URM1: variants seen among roughly 807,000 people sequenced by gnomAD.
The protein encoded by URM1 is ubiquitin-related modifier 1.
In URM1, 11 loss-of-function variants were observed where a neutral mutation model predicts 17.7. The ratio of observed to expected loss-of-function variants is 0.62; its 90% CI spans 0.39 to 1.03. URM1 has a LOEUF of 1.03. URM1 is among the 50% of genes least tolerant of loss of function. The pLI, the probability that URM1 is intolerant of heterozygous loss-of-function variation, is 0.00. For synonymous variants in URM1, 48 were observed against 50.6 expected, an observed-to-expected ratio of 0.95 and a Z score of 0.22; for missense variants, 128 against 129.2, an observed-to-expected ratio of 0.99 and a Z score of 0.04.
At chr9:128,385,450 T>C (rs1192459466) in intron 2 of URM1, among the ~76,000 whole-genome samples, 1 of 152,044 alleles carries the variant, frequency 6.6e-6, no homozygotes, top group Non-Finnish European at 1.5e-5. Flanking sequence ...TCAATAAATA[T>C]TTTTCTCCTG....
At position 128,390,581 on chromosome 9, in the gene URM1, C is replaced by G. The variant is rs779676534; in HGVS notation, c.*847C>G. ...TTGATGGCGCGAATGTCCGTTTTCTCTCCCTTCCCACCTCCTGCAGGAAGC... is the reference window on the plus strand; with the variant it reads ...TTGATGGCGCGAATGTCCGTTTTCTGTCCCTTCCCACCTCCTGCAGGAAGC... On this transcript the variant is annotated 3_prime_UTR_variant, in exon 5 of 5. Transcript: ENST00000372853. The G allele has an allele frequency of 2.6e-5, 4 of 152,482 alleles. No homozygotes were observed. The highest frequency in any genetic ancestry group is 4.4e-5 in the Non-Finnish European group (3 of 68,088). The allele number at this position is 152,482 out of a possible 1,614,324, so 9.4% of individuals were successfully genotyped here.
chr9:128,386,580 G>A (rs1040004381), intron 2 of URM1, among the ~76,000 whole-genome samples: 1 of 152,248 alleles, frequency 6.6e-6, no homozygotes, highest in Non-Finnish European at 1.5e-5. Flanking sequence ...TCAGAGCGAG[G>A]GGGCACGCGT....
At chr9:128,386,428 T>G (rs901594626) in intron 2 of URM1, among the ~76,000 whole-genome samples, 1 of 152,244 alleles carries the variant, frequency 6.6e-6, no homozygotes, top group African/African-American at 2.4e-5. Flanking sequence ...GACTCTGATC[T>G]GCTTTGTTTA....
intron 3 of URM1, chr9:128,388,796 G>T (rs1833263589): frequency 1.3e-5 from 13 of 989,224 alleles, no homozygotes; most frequent in African/African-American, 3.5e-5. Context: ...GGATGGGCAT[G>T]CAGAGGCCTA....
rs116083599 is a variant in URM1 at position 128,374,292 on chromosome 9, C to T, written c.35+2877C>T. ...GAGCGAGACTGGTTCTCCCTTCATC[C>T]GCTTGTAAAGGGAAAAACAGCCTCG... is the stretch of plus-strand genomic sequence containing the variant. On this transcript the variant is annotated intron_variant, in intron 1 of 4. Coordinates refer to ENST00000372853, the MANE Select transcript of URM1 (RefSeq NM_030914.4). Among the ~76,000 whole-genome samples, 746 of 152,268 alleles carry T rather than the reference C, an allele frequency of 4.9e-3. 10 individuals carry two copies. The highest frequency in any genetic ancestry group is 0.017 in the African/African-American group (712 of 41,532).
chr9:128,385,638 TGGAAGCC>T (rs967989757), intron 2 of URM1, among the ~76,000 whole-genome samples: 4 of 152,152 alleles, frequency 2.6e-5, no homozygotes, highest in African/African-American at 7.2e-5. Flanking sequence ...TGGGCGCCTT[TGGAAGCC>T]GACCATCTGG....
intron 2 of URM1, among the ~76,000 whole-genome samples, chr9:128,379,803 A>AT (rs1833134548): frequency 1.3e-5 from 2 of 151,386 alleles, no homozygotes; most frequent in African/African-American, 4.9e-5. Flanking sequence ...CCATCTCAAA[A>AT]AAAAATAAAA....
In URM1 at chr9:128,387,927, A is replaced by G. The variant is rs55787338; in HGVS notation, c.188+30A>G. 479 of 1,613,294 alleles carry G rather than the reference A, an allele frequency of 3.0e-4. 1 individual carries two copies. The highest frequency in any genetic ancestry group is 3.8e-4 in the Non-Finnish European group (448 of 1,179,760). ...GTCCCACTCCTCCCTTCCCTGAAGC[A>G]GGTGGAGGGAGGGACGGATATTTGA... On this transcript the variant is annotated intron_variant, in intron 3 of 4. Transcript: ENST00000372853. The surrounding 1 kb of genome is among the most constrained non-coding windows in gnomAD (Gnocchi z 4.3).
intron 2 of URM1, among the ~76,000 whole-genome samples, chr9:128,383,743 A>G (rs1833190998): frequency 6.6e-6 from 1 of 152,142 alleles, no homozygotes. Context: ...GCGAGTCAAT[A>G]TCAGATACGA....
intron 1 of URM1, among the ~76,000 whole-genome samples, chr9:128,376,067 T>C (rs1038171615): frequency 3.9e-5 from 6 of 151,950 alleles, no homozygotes; most frequent in African/African-American, 1.2e-4. Context: ...TTTTTTTTTT[T>C]TCTTTTTAAA....
rs145337915 is a variant in URM1, at chr9:128,377,922, C to G, written c.36-114C>G. 402 of 1,060,300 alleles carry G rather than the reference C, an allele frequency of 3.8e-4. 6 individuals carry two copies. In the East Asian group the frequency reaches 9.8e-3, roughly 26 times the overall value. The allele number at this position is 1,060,300 out of a possible 1,614,324, so 65.7% of individuals were successfully genotyped here. A position where few individuals can be genotyped will look rare whatever the true frequency, so the allele number is the denominator to read the frequency against. On this transcript the variant is annotated intron_variant, in intron 1 of 4. Coordinates refer to ENST00000372853, the MANE Select transcript of URM1 (RefSeq NM_030914.4). ...ACCCAAGGTGTTTCTGCACCTTAGT[C>G]TCTGCTTCTCTCGGCCTTCATTACC...
Position 128,389,717 on chromosome 9 carries a change from A to C in URM1, c.289A>C (p.Thr97Pro). 6.2e-7 allele frequency: 1 copy of C among 1,612,844 alleles called. No homozygotes were observed. Residue 97 changes from threonine to proline, a missense_variant, in exon 5 of 5, where the codon ACT becomes CCT. Coordinates refer to ENST00000372853, the MANE Select transcript of URM1 (RefSeq NM_030914.4). ...CCAGGACAGCGTCCTCTTCATCTCC[A>C]CTCTGCACGGCGGCTGAGGGCCCTT... Reference protein sequence around the residue: ...QDQDSVLFISTLHGG With the variant: ...QDQDSVLFISPLHGG
At chr9:128,384,013 T>C (rs1361968607) in intron 2 of URM1, among the ~76,000 whole-genome samples, 1 of 152,206 alleles carries the variant, frequency 6.6e-6, no homozygotes, top group Non-Finnish European at 1.5e-5. Context: ...GAGCGTGTCC[T>C]GTGTGTGTGA....
intron 3 of URM1, chr9:128,388,772 C>T (rs996633901): frequency 1.0e-6 from 1 of 987,486 alleles, no homozygotes; most frequent in Non-Finnish European, 1.2e-6. Flanking sequence ...AGAGGCAAAA[C>T]AGCCTTCTCT....
intron 1 of URM1, among the ~76,000 whole-genome samples, chr9:128,375,593 T>TGCA (rs1833065648): frequency 6.6e-6 from 1 of 152,134 alleles, no homozygotes; most frequent in African/African-American, 2.4e-5. Context: ...AGGGTCTCAC[T>TGCA]GTGTCGCCCA....
At chr9:128,388,962 AT>A in intron 3 of URM1, 1 of 1,228,602 alleles carries the variant, frequency 8.1e-7, no homozygotes. Context: ...AGTATCACTT[AT>A]CCCATTTTCA....
At chr9:128,383,604 G>A (rs1833188612) in intron 2 of URM1, among the ~76,000 whole-genome samples, 1 of 152,164 alleles carries the variant, frequency 6.6e-6, no homozygotes, top group Non-Finnish European at 1.5e-5. Context: ...CAGTGGGTGG[G>A]AATGACAGGA....
rs1833285502 is a variant in URM1 at position 128,389,825 on chromosome 9, C to G, written c.*91C>G. The G allele has an allele frequency of 6.5e-7, 1 of 1,548,452 alleles. No individual in the cohort carries two copies. The highest frequency in any genetic ancestry group is 1.4e-5 in the African/African-American group (1 of 73,370). ...CCTGCTTCCAGGTCTCCCTGTCCCC[C>G]TTGCCTGCCTTCTTCCCTGCTCTGT... On this transcript the variant is annotated 3_prime_UTR_variant, in exon 5 of 5. Transcript: ENST00000372853.
chr9:128,373,369 C>T (rs1237032141), intron 1 of URM1, among the ~76,000 whole-genome samples: 2 of 152,150 alleles, frequency 1.3e-5, no homozygotes, highest in Non-Finnish European at 2.9e-5. Context: ...ATGATTCACC[C>T]TTATCCAGAA....
Sources: allele counts gnomAD v4.1 joint callset (sites outside exome capture counted in the v4.1 genomes callset), GRCh38; gene constraint gnomAD v4.1.1; non-coding constraint Gnocchi (gnomAD v3.1); transcripts MANE v1.5; gene names NCBI Gene and HGNC (gene_info 2026-07-23, HGNC 2026-07-21).